Variants in VPS13C observed in about 807,000 individuals in gnomAD.
VPS13C encodes intermembrane lipid transfer protein VPS13C.
Under a neutral mutation model 456.8 loss-of-function variants are expected in VPS13C, and 358 were observed. The observed-to-expected ratio is 0.78, with a 90% CI of 0.72 to 0.86. VPS13C has a LOEUF of 0.86. VPS13C is among the 40% of genes least tolerant of loss of function. The pLI, the probability that VPS13C is intolerant of heterozygous loss-of-function variation, is 0.00. For missense variants in VPS13C, 4,818 were observed against 4,385.4 expected (o/e 1.10, Z -2.79); for synonymous variants, 1,578 against 1,486.7 (o/e 1.06, Z -1.41).
intron 48 of VPS13C, among the ~76,000 whole-genome samples, chr15:61,935,287 T>C (rs184007056): frequency 3.3e-5 from 5 of 152,318 alleles, no homozygotes; most frequent in East Asian, 3.9e-4. Context: ...ACTGATTCTA[T>C]AATCTTTTTC....
At chr15:61,896,077 C>T (rs1212122467) in intron 66 of VPS13C, among the ~76,000 whole-genome samples, 1 of 152,070 alleles carries the variant, frequency 6.6e-6, no homozygotes, top group Non-Finnish European at 1.5e-5. Context: ...ACAATTGTGT[C>T]AATTTTTAAA....
At chr15:61,908,961 A>C (rs2043221085) in intron 65 of VPS13C, 31 bp downstream of exon 65, 2 of 1,606,384 alleles carry the variant, frequency 1.2e-6, no homozygotes, top group Non-Finnish European at 1.7e-6. Flanking sequence ...AACCAATAAA[A>C]GTATTTCCCA....
At chr15:61,863,611 AAT>A (rs1894347950) in intron 81 of VPS13C, 83 bp from the exon 82 acceptor site, 2 of 838,612 alleles carry the variant, frequency 2.4e-6, no homozygotes, top group East Asian at 5.5e-5. Flanking sequence ...TAATTATAAT[AAT>A]AGTGTTAGGA....
At chr15:61,871,009 T>G (rs1013589999) in intron 79 of VPS13C, among the ~76,000 whole-genome samples, 2 of 152,178 alleles carry the variant, frequency 1.3e-5, no homozygotes, top group African/African-American at 4.8e-5. Flanking sequence ...AGATATGTCT[T>G]TTATCACATA....
In VPS13C at chr15:62,047,027, G is replaced by T. The variant is rs150521411; in HGVS notation, c.101-2772C>A. 9.6e-4 allele frequency among the ~76,000 whole-genome samples: 146 copies of T among 151,754 alleles called. 1 individual carries two copies. The highest frequency in any genetic ancestry group is 3.5e-3 in the African/African-American group (143 of 41,374). On this transcript the variant is annotated intron_variant, in intron 1 of 84. Transcript: ENST00000644861. Reference sequence around the variant, plus strand: ...CGGAAATTATAAGAAGGAAAATGGGGAAATAAAACAAAAGTAAATTCACAT... The same window carrying T: ...CGGAAATTATAAGAAGGAAAATGGGTAAATAAAACAAAAGTAAATTCACAT...
chr15:62,002,399 A>C (rs1441232335), intron 15 of VPS13C, among the ~76,000 whole-genome samples: 1 of 151,934 alleles, frequency 6.6e-6, no homozygotes, highest in Non-Finnish European at 1.5e-5. Context: ...GTTTGAGTTC[A>C]TTATAGATTC....
Position 61,918,150 on chromosome 15 carries a change from AGGAACAT to A in VPS13C, c.7739_7745del (p.His2580LeufsTer2). ...GAAGTATCTACCTATATGAATCTAA[AGGAACAT>A]GGAACTCCTCTTCAGGTCTGGCTAT... On this transcript the variant is annotated frameshift_variant, in exon 59 of 85. Transcript: ENST00000644861. LOFTEE classifies it high-confidence loss of function. The A allele has an allele frequency of 1.3e-6, 2 of 1,593,156 alleles. No homozygotes were observed. Among genetic ancestry groups the A allele is most frequent in the Non-Finnish European group, 1.7e-6 (2 of 1,173,584 alleles).
At chr15:61,900,274 A>C (rs2042956506) in intron 66 of VPS13C, among the ~76,000 whole-genome samples, 1 of 152,220 alleles carries the variant, frequency 6.6e-6, no homozygotes, top group South Asian at 2.1e-4. Context: ...GCAATCAGGC[A>C]GGAGAAGGAA....
chr15:62,029,987 T>C (rs1006435293), intron 5 of VPS13C, among the ~76,000 whole-genome samples: 3 of 152,094 alleles, frequency 2.0e-5, no homozygotes, highest in Non-Finnish European at 4.4e-5. Flanking sequence ...AACAGGGAAT[T>C]AAACATAGAC....
intron 1 of VPS13C, among the ~76,000 whole-genome samples, chr15:62,050,510 A>T (rs766855458): frequency 5.9e-5 from 9 of 152,236 alleles, no homozygotes; most frequent in Non-Finnish European, 1.0e-4. Flanking sequence ...ATATACTAAA[A>T]GGGCCAGGTG....
chr15:61,924,300 T>C (rs995130192), intron 53 of VPS13C, among the ~76,000 whole-genome samples: 1 of 152,224 alleles, frequency 6.6e-6, no homozygotes, highest in African/African-American at 2.4e-5. Context: ...GTCCTGCTTC[T>C]ACACAGCTTT....
At chr15:61,904,196 C>A (rs34516157) in intron 66 of VPS13C, among the ~76,000 whole-genome samples, 1 of 151,134 alleles carries the variant, frequency 6.6e-6, no homozygotes, top group African/African-American at 2.4e-5. Context: ...GACAACAAAC[C>A]GAAAGAGAGA....
At chr15:61,868,855 ATTTC>A in intron 80 of VPS13C, 82 bp from the exon 81 acceptor site, 1 of 1,107,114 alleles carries the variant, frequency 9.0e-7, no homozygotes, top group Admixed American at 3.1e-5. Context: ...ATACATAAAT[ATTTC>A]ACAAAAAACA....
intron 65 of VPS13C, among the ~76,000 whole-genome samples, 177 bp downstream of exon 65, chr15:61,908,815 T>C (rs776143358): frequency 3.9e-5 from 6 of 152,222 alleles, no homozygotes; most frequent in Non-Finnish European, 8.8e-5. Flanking sequence ...GCTGCAGAAA[T>C]ATTAATGTGT....
rs1389661418 is a variant in VPS13C at position 62,060,267 on chromosome 15, T to C, written c.100+8A>G. On this transcript the variant is annotated splice_region_variant and intron_variant, in intron 1 of 84. Coordinates refer to ENST00000644861, the MANE Select transcript of VPS13C (RefSeq NM_020821.3). Reference sequence around the variant, plus strand: ...CCCGCAGCCCACTGGCCGCGCCCTCTCGCTTACCGCCCCAGATGCCCAGCT... The same window carrying C: ...CCCGCAGCCCACTGGCCGCGCCCTCCCGCTTACCGCCCCAGATGCCCAGCT... The C allele has an allele frequency of 1.3e-6, 2 of 1,594,570 alleles. No individual in the cohort carries two copies. Among genetic ancestry groups the C allele is most frequent in the Non-Finnish European group, 1.7e-6 (2 of 1,168,710 alleles).
chr15:62,038,621 A>G (rs2048140527), intron 3 of VPS13C, among the ~76,000 whole-genome samples: 1 of 152,192 alleles, frequency 6.6e-6, no homozygotes. Flanking sequence ...AAGTAAAAAT[A>G]AAAATCTTCT....
intron 48 of VPS13C, among the ~76,000 whole-genome samples, chr15:61,936,335 C>T (rs183588817): frequency 1.8e-4 from 27 of 152,226 alleles, no homozygotes; most frequent in Admixed American, 6.5e-4. Context: ...TCTCAAGATA[C>T]GCCACTTCAG....
chr15:61,920,643 T>C lies in VPS13C; in HGVS notation c.7067A>G (p.Lys2356Arg), dbSNP rs570619697. Residue 2356 changes from lysine (K) to arginine (R), a missense_variant, in exon 56 of 85, where the codon AAG (lysine) becomes AGG (arginine). Physicochemically the swap from Lys to Arg is conservative, Grantham distance 26 (BLOSUM62 2). Around this residue, in one of 3 missense-constraint regions of VPS13C, gnomAD observed 4,552 missense variants for 4,130.6 expected, o/e 1.10. Transcript: ENST00000644861. Reference protein sequence around the residue: ...KRQWNLRLDVKKNPVQDKSLL... With the variant: ...KRQWNLRLDVRKNPVQDKSLL... ...ACTTTTATCCTGAACTGGGTTCTTC[T>C]TTACCTATGAAGAAAAATAACACAG... 6.4e-7 allele frequency: 1 copy of C among 1,562,500 alleles called. No individual in the cohort carries two copies. Among genetic ancestry groups the C allele is most frequent in the Non-Finnish European group, 8.6e-7 (1 of 1,164,068 alleles).
chr15:61,983,942 C>T lies in VPS13C; in HGVS notation c.1792G>A (p.Ala598Thr). 6.2e-7 allele frequency: 1 copy of T among 1,614,078 alleles called. No individual in the cohort carries two copies. Reference sequence around the variant, plus strand: ...GATGATGTAGTGTCACCAATTGAAGCCACAAGTGATGGCACAATATCCTGC... The same window carrying T: ...GATGATGTAGTGTCACCAATTGAAGTCACAAGTGATGGCACAATATCCTGC... ...RQQDIVPSLV[A>T]SIGDTTSSLL... is the part of the protein sequence containing the mutation. The change falls in exon 20 of 85, where the codon GCT becomes ACT. Residue 598 changes from alanine (A) to threonine (T), a missense_variant. Around this residue, in one of 3 missense-constraint regions of VPS13C, gnomAD observed 4,552 missense variants for 4,130.6 expected, o/e 1.10. Transcript: ENST00000644861.
Sources: gnomAD v4.1 joint callset for allele counts (sites outside exome capture counted in the v4.1 genomes callset) on GRCh38, gnomAD v4.1.1 for gene constraint, gnomAD v4.1.1 regional missense constraint, MANE v1.5 for transcripts, NCBI Gene and HGNC (gene_info 2026-07-23, HGNC 2026-07-21) for gene names.